The following GRIN2D variants were observed in gnomAD, a reference collection of about 807,000 sequenced individuals.
The protein encoded by GRIN2D is glutamate ionotropic receptor NMDA type subunit 2D.
A neutral mutation model predicts 103.2 loss-of-function variants in GRIN2D; 37 were observed. The observed-to-expected ratio is 0.36, with a 90% CI of 0.28 to 0.47. The LOEUF (loss-of-function observed/expected upper bound fraction) is 0.47, where lower values mean the gene tolerates loss of function less well. Ranked by LOEUF, GRIN2D falls within the 20% of genes least tolerant of loss-of-function variation. The pLI, the probability that GRIN2D is intolerant of heterozygous loss-of-function variation, is 1.00. For missense variants in GRIN2D, 1,557 were observed against 1,910.6 expected (o/e 0.81, Z 3.45); for synonymous variants, 845 against 885.6 (o/e 0.95, Z 0.81).
intron 11 of GRIN2D, among the ~76,000 whole-genome samples, chr19:48,429,141 TTC>T (rs1971124971): frequency 6.6e-6 from 1 of 152,220 alleles, no homozygotes; most frequent in Non-Finnish European, 1.5e-5. Flanking sequence ...TTGTTACTTT[TTC>T]TTTTTTTTCT....
intron 2 of GRIN2D, among the ~76,000 whole-genome samples, chr19:48,395,620 G>A (rs1321169070): frequency 6.6e-6 from 1 of 151,976 alleles, no homozygotes; most frequent in Non-Finnish European, 1.5e-5. Context: ...GCTGTGGGGG[G>A]CAATGAAGAC....
intron 11 of GRIN2D, among the ~76,000 whole-genome samples, chr19:48,435,471 G>A (rs1307467961): frequency 6.6e-6 from 1 of 151,992 alleles, no homozygotes; most frequent in Non-Finnish European, 1.5e-5. Flanking sequence ...TGTATTTTTA[G>A]TAGCAACAGG....
In GRIN2D at chr19:48,406,290, G is replaced by A. The variant is rs147392492; in HGVS notation, c.1085+937G>A. ...CCTGGCCAACTGCAAGGAAGAGTGGGAAATGTCAGTCCTAGCTGGACAGGT... is the reference window on the plus strand; with the variant it reads ...CCTGGCCAACTGCAAGGAAGAGTGGAAAATGTCAGTCCTAGCTGGACAGGT... On this transcript the variant is annotated intron_variant, in intron 4 of 13. Coordinates refer to ENST00000263269, the MANE Select transcript of GRIN2D (RefSeq NM_000836.4). Among the ~76,000 whole-genome samples the A allele has an allele frequency of 8.1e-3, 1,228 of 152,326 alleles. 9 individuals are homozygous for A. Among genetic ancestry groups the A allele is most frequent in the Middle Eastern group, 0.02 (6 of 294 alleles).
intron 11 of GRIN2D, among the ~76,000 whole-genome samples, chr19:48,434,151 C>T (rs1034572401): frequency 1.3e-5 from 2 of 151,978 alleles, no homozygotes; most frequent in Middle Eastern, 3.4e-3. Flanking sequence ...GGGGTTTCAC[C>T]GTGTTAGCCA....
chr19:48,431,274 G>C (rs1971152299), intron 11 of GRIN2D, among the ~76,000 whole-genome samples: 1 of 152,194 alleles, frequency 6.6e-6, no homozygotes, highest in Admixed American at 6.5e-5. Flanking sequence ...TCTGGGTTTT[G>C]CTTCCTTGTT....
At position 48,442,899 on chromosome 19, in the gene GRIN2D, G is replaced by A; in HGVS notation, c.2973G>A (p.Pro991=). 3 of 1,093,896 alleles carry A rather than the reference G, an allele frequency of 2.7e-6. No homozygotes were observed. Among genetic ancestry groups the A allele is most frequent in the East Asian group, 6.1e-5 (1 of 16,410 alleles). 67.8% of individuals were successfully genotyped at this position (1,093,896 alleles called of 1,614,324 possible). A position where few individuals can be genotyped will look rare whatever the true frequency, so the allele number is the denominator to read the frequency against. The change falls in exon 14 of 14, where the codon CCG becomes CCA. Residue 991 remains proline, a synonymous_variant. Transcript: ENST00000263269. This position sits in a 1 kb window ranked among gnomAD's most constrained non-coding sequence, Gnocchi z 7.2. ...RAAPRGAAGR[P]LSPPAAQPPQ... is the part of the protein sequence containing the mutation. ...CACCGCGGGGCGCAGCCGGGCGCCC[G>A]CTGTCCCCGCCGGCCGCTCAGCCCC...
chr19:48,443,466 T>C lies in GRIN2D; in HGVS notation c.3540T>C (p.Cys1180=), dbSNP rs1275176614. 3 of 1,384,336 alleles carry C rather than the reference T, an allele frequency of 2.2e-6. No individual in the cohort carries two copies. In the African/African-American group the frequency reaches 4.6e-5, roughly 21 times the overall value. The allele number at this position is 1,384,336 out of a possible 1,614,324, so 85.8% of individuals were successfully genotyped here. ...GCAGCGGTCCGGCCGCCTGGCACTG[T>C]CGGCACTGCGCCAGCCTGGAGCTGC... is the stretch of plus-strand genomic sequence containing the variant. ...PPRSGPAAWH[C]RHCASLELLP... Residue 1180 remains cysteine, a synonymous_variant, in exon 14 of 14, where the codon TGT becomes TGC. Transcript: ENST00000263269. The surrounding 1 kb of genome is among the most constrained non-coding windows in gnomAD (Gnocchi z 8.9).
intron 11 of GRIN2D, among the ~76,000 whole-genome samples, chr19:48,426,252 G>A (rs1971086741): frequency 1.0e-5 from 1 of 100,042 alleles, no homozygotes; most frequent in African/African-American, 5.7e-5. Flanking sequence ...CTGAAACAGA[G>A]TCTCTCTCTA....
chr19:48,438,826 G>A (rs982620751), intron 11 of GRIN2D, among the ~76,000 whole-genome samples: 2 of 151,806 alleles, frequency 1.3e-5, no homozygotes, highest in African/African-American at 4.8e-5. Flanking sequence ...TGTCACCCAG[G>A]CTGGGGTGCA....
At chr19:48,412,129 A>T (rs1295652368) in intron 4 of GRIN2D, among the ~76,000 whole-genome samples, 1 of 151,782 alleles carries the variant, frequency 6.6e-6, no homozygotes, top group Non-Finnish European at 1.5e-5. Context: ...GATCAAGACC[A>T]TCCTGGCTAA....
At chr19:48,438,040 A>G (rs1197368489) in intron 11 of GRIN2D, among the ~76,000 whole-genome samples, 1 of 152,038 alleles carries the variant, frequency 6.6e-6, no homozygotes, top group East Asian at 1.9e-4. Flanking sequence ...TGGGGGATCC[A>G]CTTCCTGTCT....
intron 11 of GRIN2D, among the ~76,000 whole-genome samples, chr19:48,430,678 C>T (rs897404977): frequency 2.0e-5 from 3 of 152,070 alleles, no homozygotes; most frequent in African/African-American, 7.2e-5. Flanking sequence ...TGCTTCATGG[C>T]TGTGTTTTCT....
Position 48,443,869 on chromosome 19 carries a change from C to T in GRIN2D, c.3943C>T (p.His1315Tyr). The change falls in exon 14 of 14, where the codon CAC becomes TAC. Residue 1315 changes from histidine (H) to tyrosine (Y), a missense_variant. Transcript: ENST00000263269. The surrounding 1 kb of genome is among the most constrained non-coding windows in gnomAD (Gnocchi z 8.9). Reference sequence around the variant, plus strand: ...GCTGCCCACAGCTTCCCACCGGAGACACCGGGGCGGGGACCTGGGCACCCG... The same window carrying T: ...GCTGCCCACAGCTTCCCACCGGAGATACCGGGGCGGGGACCTGGGCACCCG... ...PPLPTASHRR[H>Y]RGGDLGTRRG... The T allele has an allele frequency of 6.7e-7, 1 of 1,482,074 alleles. No individual in the cohort carries two copies. Among genetic ancestry groups the T allele is most frequent in the Non-Finnish European group, 8.9e-7 (1 of 1,123,988 alleles). The allele number at this position is 1,482,074 out of a possible 1,614,324, so 91.8% of individuals were successfully genotyped here.
At chr19:48,415,679 T>G (rs1354653380) in intron 7 of GRIN2D, among the ~76,000 whole-genome samples, 1 of 128,332 alleles carries the variant, frequency 7.8e-6, no homozygotes, top group Non-Finnish European at 1.7e-5. Context: ...GGGACTTTGG[T>G]ACAGAGGAGG....
intron 11 of GRIN2D, among the ~76,000 whole-genome samples, chr19:48,426,046 A>G (rs2075228571): frequency 6.6e-6 from 1 of 152,092 alleles, no homozygotes; most frequent in African/African-American, 2.4e-5. Flanking sequence ...TATTTTCCTC[A>G]GTGTTATCAC....
At chr19:48,420,975 C>T (rs1000726558) in intron 10 of GRIN2D, among the ~76,000 whole-genome samples, 4 of 152,190 alleles carry the variant, frequency 2.6e-5, no homozygotes, top group African/African-American at 9.6e-5. Context: ...TGGTGGTTTG[C>T]AGAGCATACT....
intron 11 of GRIN2D, among the ~76,000 whole-genome samples, chr19:48,425,465 C>T (rs1292696793): frequency 2.6e-5 from 4 of 152,156 alleles, no homozygotes; most frequent in African/African-American, 9.7e-5. Context: ...TGGTCTTGAA[C>T]TCCTAACCTT....
At chr19:48,435,296 G>GTTTTT (rs766061537) in intron 11 of GRIN2D, among the ~76,000 whole-genome samples, 11 of 121,616 alleles carry the variant, frequency 9.0e-5, no homozygotes, top group African/African-American at 1.3e-4. Flanking sequence ...TCAGCCACTT[G>GTTTTT]TTTTTTTTTT....
intron 11 of GRIN2D, among the ~76,000 whole-genome samples, chr19:48,427,418 C>T (rs1175507208): frequency 6.6e-6 from 1 of 151,822 alleles, no homozygotes; most frequent in African/African-American, 2.4e-5. Context: ...CTACTTGTTC[C>T]ATATCCTTCT....
Sources: gnomAD v4.1 joint callset for allele counts (sites outside exome capture counted in the v4.1 genomes callset) on GRCh38, gnomAD v4.1.1 for gene constraint, Gnocchi (gnomAD v3.1) non-coding constraint, MANE v1.5 for transcripts, NCBI Gene and HGNC (gene_info 2026-07-23, HGNC 2026-07-21) for gene names.